The following ABCC3 variants were observed in gnomAD, a reference collection of about 807,000 sequenced individuals.
The protein encoded by ABCC3 is ATP-binding cassette sub-family C member 3.
A neutral mutation model predicts 165.3 loss-of-function variants in ABCC3; 121 were observed. That is an observed-to-expected ratio of 0.73 (90% CI 0.63 to 0.85). The LOEUF (loss-of-function observed/expected upper bound fraction) is 0.85, where lower values mean the gene tolerates loss of function less well. Among genes scored for constraint, ABCC3 ranks in the 40% least tolerant of loss-of-function variants. The pLI, the probability that ABCC3 is intolerant of heterozygous loss-of-function variation, is 0.00. For synonymous variants in ABCC3, 733 were observed against 810.1 expected (o/e 0.90, Z 1.62); for missense variants, 1,869 against 1,964.1 (o/e 0.95, Z 0.92).
chr17:50,690,606 G>T (rs1032136736), intron 30 of ABCC3, among the ~76,000 whole-genome samples: 2 of 152,188 alleles, frequency 1.3e-5, no homozygotes, highest in African/African-American at 4.8e-5. Context: ...GTGAGCTGGA[G>T]ACCCACCGAG....
At chr17:50,652,720 C>T (rs915644618) in intron 1 of ABCC3, among the ~76,000 whole-genome samples, 1 of 152,190 alleles carries the variant, frequency 6.6e-6, no homozygotes, top group Non-Finnish European at 1.5e-5. Flanking sequence ...TCTGGAGTCC[C>T]AGACTCCTTA....
chr17:50,659,119 C>T (rs766834263), intron 6 of ABCC3, 118 bp from the exon 7 acceptor site: 1 of 1,254,692 alleles, frequency 8.0e-7, no homozygotes, highest in Non-Finnish European at 1.1e-6. Flanking sequence ...GGTCACAGTG[C>T]CCGAGGGAGA....
At chr17:50,682,017 C>A (rs1967937176) in intron 26 of ABCC3, among the ~76,000 whole-genome samples, 1 of 152,160 alleles carries the variant, frequency 6.6e-6, no homozygotes, top group Non-Finnish European at 1.5e-5. Flanking sequence ...TGTCTGCCCT[C>A]AACCCCACGG....
At chr17:50,658,535 G>A (rs574832701) in intron 6 of ABCC3, 39 bp downstream of exon 6, 1 of 1,594,918 alleles carries the variant, frequency 6.3e-7, no homozygotes, top group Admixed American at 1.7e-5. Context: ...AGAGGGAGGG[G>A]AGGGATGGAA....
Position 50,668,022 on chromosome 17 carries a change from A to G in ABCC3, c.1782+13A>G, listed in dbSNP as rs1967563977. Reference sequence around the variant, plus strand: ...CAACCTGACTCAGGTAACCCTGGGTAGGGCTGGGGGCTCTACTGGAGTTGG... The same window carrying G: ...CAACCTGACTCAGGTAACCCTGGGTGGGGCTGGGGGCTCTACTGGAGTTGG... On this transcript the variant is annotated intron_variant, in intron 13 of 30. Coordinates refer to ENST00000285238, the MANE Select transcript of ABCC3 (RefSeq NM_003786.4). 6.2e-7 allele frequency: 1 copy of G among 1,610,166 alleles called. No individual in the cohort carries two copies. The highest frequency in any genetic ancestry group is 1.7e-5 in the Admixed American group (1 of 59,976).
intron 29 of ABCC3, among the ~76,000 whole-genome samples, chr17:50,686,075 T>C (rs536453286): frequency 6.6e-6 from 1 of 152,322 alleles, no homozygotes; most frequent in East Asian, 1.9e-4. Flanking sequence ...GCGCCTGTAA[T>C]CCCAGCTATT....
chr17:50,640,646 G>C (rs548495787), intron 1 of ABCC3, among the ~76,000 whole-genome samples: 4 of 152,294 alleles, frequency 2.6e-5, no homozygotes, highest in African/African-American at 7.2e-5. Context: ...AGCCTCCTGA[G>C]TAGCTGGGAT....
intron 1 of ABCC3, among the ~76,000 whole-genome samples, chr17:50,643,042 A>G (rs1211059975): frequency 6.6e-6 from 1 of 152,278 alleles, no homozygotes; most frequent in Non-Finnish European, 1.5e-5. Context: ...TAAGTGCAGT[A>G]ATAAAATGCG....
chr17:50,661,877 G>A (rs1374736094), intron 8 of ABCC3, among the ~76,000 whole-genome samples: 1 of 152,166 alleles, frequency 6.6e-6, no homozygotes, highest in Non-Finnish European at 1.5e-5. Flanking sequence ...ACTGGCTTGG[G>A]AGGTCAACGA....
intron 1 of ABCC3, among the ~76,000 whole-genome samples, chr17:50,643,026 A>G (rs978007630): frequency 5.3e-5 from 8 of 152,180 alleles, no homozygotes; most frequent in Admixed American, 1.3e-4. Flanking sequence ...CCAGATAACA[A>G]CTAGGTAAGT....
Position 50,673,958 on chromosome 17 carries a change from T to TTCTTTCTTTCTTTCTTTC in ABCC3, c.2599+302_2599+319dup, listed in dbSNP as rs1555595407. Among the ~76,000 whole-genome samples the TTCTTTCTTTCTTTCTTTC allele has an allele frequency of 1.9e-3, 31 of 15,950 alleles. 4 individuals carry two copies. The highest frequency in any genetic ancestry group is 5.8e-3 in the South Asian group (2 of 344). The allele number at this position is 15,950 out of a possible 152,430, so 10.5% of individuals were successfully genotyped here. On this transcript the variant is annotated intron_variant, in intron 19 of 30. Coordinates refer to ENST00000285238, the MANE Select transcript of ABCC3 (RefSeq NM_003786.4). ...TTTCTTTCTTTCTTTCTTTCTTTCTTTCTTTCTTTCTTTCTTTCTTTCTCT... is the reference window on the plus strand; with the variant it reads ...TTTCTTTCTTTCTTTCTTTCTTTCTTTCTTTCTTTCTTTCTTTCTCTTTCTTTCTTTCTTTCTTTCTCT...
intron 1 of ABCC3, among the ~76,000 whole-genome samples, chr17:50,650,223 A>G (rs1198410248): frequency 3.3e-5 from 5 of 152,172 alleles, no homozygotes; most frequent in Non-Finnish European, 7.3e-5. Context: ...CTCCTGCCTC[A>G]GCCTCTCAAG....
chr17:50,651,333 T>TTTTG (rs1255045626), intron 1 of ABCC3, among the ~76,000 whole-genome samples: 1 of 152,210 alleles, frequency 6.6e-6, no homozygotes, highest in Non-Finnish European at 1.5e-5. Context: ...CCTTTAGGTT[T>TTTTG]TTTGTTTGTT....
At chr17:50,669,569 A>G in intron 17 of ABCC3, 41 bp downstream of exon 17, 12 of 1,599,260 alleles carry the variant, frequency 7.5e-6, no homozygotes, top group Non-Finnish European at 1.0e-5. Context: ...TAGGGCATAG[A>G]GCTGCCCACC....
chr17:50,668,407 G>A, intron 13 of ABCC3, 23 bp from the exon 14 acceptor site: 1 of 1,606,906 alleles, frequency 6.2e-7, no homozygotes, highest in Non-Finnish European at 8.5e-7. Flanking sequence ...CAGTCTCTAG[G>A]GCTGACTCAC....
Position 50,675,878 on chromosome 17 carries a change from TAC to T in ABCC3, c.2860-3_2860-2del, listed in dbSNP as rs1233957663. 7 of 1,614,022 alleles carry T rather than the reference TAC, an allele frequency of 4.3e-6. No individual in the cohort carries two copies. Among genetic ancestry groups the T allele is most frequent in the Non-Finnish European group, 5.9e-6 (7 of 1,179,962 alleles). ...GTCCCTGACTGCCATGGCTGCTCCC[TAC>T]AGGTGGAGCTCAGTGTGTTCTGGGA... On this transcript the variant is annotated splice_polypyrimidine_tract_variant and splice_region_variant and intron_variant, in intron 21 of 30. Transcript: ENST00000285238.
Position 50,675,951 on chromosome 17 carries a change from C to T in ABCC3, c.2928C>T (p.Leu976=). 5.6e-6 allele frequency: 9 copies of T among 1,614,168 alleles called. No individual in the cohort carries two copies. Among genetic ancestry groups the T allele is most frequent in the Non-Finnish European group, 7.6e-6 (9 of 1,180,030 alleles). Residue 976 remains leucine, a synonymous_variant, in exon 22 of 31, where the codon CTC becomes CTT. Coordinates refer to ENST00000285238, the MANE Select transcript of ABCC3 (RefSeq NM_003786.4). ...TCTGTACCACGCTGGCCATCTGTCT[C>T]CTGTATGTGGGTCAAAGTGCGGCTG... ...VGLCTTLAIC[L]LYVGQSAAAI...
intron 1 of ABCC3, among the ~76,000 whole-genome samples, chr17:50,638,516 G>A (rs1297779471): frequency 6.6e-6 from 1 of 152,216 alleles, no homozygotes; most frequent in African/African-American, 2.4e-5. Flanking sequence ...GGGGTCCTGA[G>A]ATTCTGTGAC....
intron 1 of ABCC3, among the ~76,000 whole-genome samples, chr17:50,652,391 G>C (rs1215854735): frequency 1.0e-5 from 1 of 98,858 alleles, no homozygotes; most frequent in African/African-American, 3.2e-5. Flanking sequence ...ATTCGTGAAG[G>C]AGCTTTTAAG....
Sources: allele counts gnomAD v4.1 joint callset (sites outside exome capture counted in the v4.1 genomes callset), GRCh38; gene constraint gnomAD v4.1.1; transcripts MANE v1.5; gene names NCBI Gene and HGNC (gene_info 2026-07-23, HGNC 2026-07-21).